The following VPS13D variants were observed in gnomAD, a reference collection of about 807,000 sequenced individuals.
VPS13D encodes vacuolar protein sorting 13 homolog D.
A neutral mutation model predicts 461.9 loss-of-function variants in VPS13D; 187 were observed. That is an observed-to-expected ratio of 0.40 (90% confidence interval 0.36 to 0.46). VPS13D has a LOEUF of 0.46. Among genes scored for constraint, VPS13D ranks in the 20% least tolerant of loss-of-function variants. VPS13D has a pLI of 0.60. For synonymous variants in VPS13D, 1,951 were observed against 1,986.3 expected (o/e 0.98, Z 0.47); for missense variants, 4,711 against 5,364.9 (o/e 0.88, Z 3.81).
At chr1:12,254,462 C>T (rs1441516862) in intron 7 of VPS13D, among the ~76,000 whole-genome samples, 1 of 142,148 alleles carries the variant, frequency 7.0e-6, no homozygotes, top group Non-Finnish European at 1.5e-5. Context: ...TTTAAAAAGT[C>T]ATAAATCATC....
chr1:12,480,339 T>C (rs1174664530), intron 67 of VPS13D, among the ~76,000 whole-genome samples: 1 of 152,218 alleles, frequency 6.6e-6, no homozygotes, highest in Non-Finnish European at 1.5e-5. Flanking sequence ...CAGTATGTCA[T>C]AGCCATCTCC....
At chr1:12,304,467 C>T (rs1423683160) in intron 25 of VPS13D, 39 bp from the exon 26 acceptor site, 1 of 1,564,958 alleles carries the variant, frequency 6.4e-7, no homozygotes, top group South Asian at 1.2e-5. Context: ...TGCCCCCTTC[C>T]CATTTCCTGC....
intron 59 of VPS13D, 112 bp downstream of exon 59, chr1:12,385,485 G>T: frequency 1.2e-6 from 1 of 817,890 alleles, no homozygotes; most frequent in Admixed American, 3.0e-5. Context: ...TTCTAAATAT[G>T]AGTTACGCTT....
intron 23 of VPS13D, 46 bp downstream of exon 23, chr1:12,291,170 T>A (rs753764325): frequency 1.3e-6 from 2 of 1,586,450 alleles, no homozygotes; most frequent in Admixed American, 3.6e-5. Flanking sequence ...ATCATAATAC[T>A]TGCTGTTTCA....
Position 12,378,123 on chromosome 1 carries a change from G to A in VPS13D, c.10918-305G>A, listed in dbSNP as rs1311171727. ...TATAGCTAGTGTAGGAGGCTGCCCC[G>A]CCATTTGTTTCTAATTTCTAAAAAA... On this transcript the variant is annotated intron_variant, in intron 55 of 69. Transcript: ENST00000620676. 2.6e-5 allele frequency among the ~76,000 whole-genome samples: 4 copies of A among 152,032 alleles called. No individual in the cohort carries two copies. The South Asian group carries it at 6.2e-4, about 24-fold the overall frequency.
intron 13 of VPS13D, among the ~76,000 whole-genome samples, chr1:12,266,003 T>C (rs570925872): frequency 6.7e-6 from 1 of 149,548 alleles, no homozygotes; most frequent in South Asian, 2.1e-4. Context: ...TACTAAAAAT[T>C]AAAAAAAAAA....
At chr1:12,491,300 A>T (rs1645877706) in intron 67 of VPS13D, among the ~76,000 whole-genome samples, 1 of 152,214 alleles carries the variant, frequency 6.6e-6, no homozygotes. Flanking sequence ...TCACTTACTG[A>T]TTGTTTTTGA....
chr1:12,262,852 C>T (rs550469086), intron 13 of VPS13D, among the ~76,000 whole-genome samples: 19 of 151,852 alleles, frequency 1.3e-4, no homozygotes, highest in Non-Finnish European at 1.6e-4. Context: ...TACAGGCGCG[C>T]GCCACCATGC....
chr1:12,414,298 A>G (rs1045619953), intron 63 of VPS13D, among the ~76,000 whole-genome samples: 1 of 151,988 alleles, frequency 6.6e-6, no homozygotes. Flanking sequence ...TCTGCCATAG[A>G]CATGTCTAAT....
At chr1:12,479,453 T>G (rs1217352241) in intron 67 of VPS13D, among the ~76,000 whole-genome samples, 1 of 152,234 alleles carries the variant, frequency 6.6e-6, no homozygotes, top group Non-Finnish European at 1.5e-5. Context: ...CTGCAGAAAT[T>G]GATCCAAAAC....
intron 67 of VPS13D, among the ~76,000 whole-genome samples, chr1:12,482,008 C>T (rs1645724774): frequency 6.6e-6 from 1 of 152,220 alleles, no homozygotes; most frequent in Admixed American, 6.5e-5. Context: ...TAGAGGCATG[C>T]TGCTCCAAGC....
chr1:12,396,029 A>ATATATATATT lies in VPS13D; in HGVS notation c.11635-4152_11635-4151insTATATATATT, dbSNP rs1553187933. On this transcript the variant is annotated intron_variant, in intron 60 of 69. Transcript: ENST00000620676. Reference sequence around the variant, plus strand: ...TATATATATATATATATATATATATAGTTCTTTAAGATCAATAAAATTAAT... The same window carrying ATATATATATT: ...TATATATATATATATATATATATATATATATATATTGTTCTTTAAGATCAATAAAATTAAT... Among the ~76,000 whole-genome samples, 723 of 119,768 alleles carry ATATATATATT rather than the reference A, an allele frequency of 6.0e-3. 26 individuals are homozygous for ATATATATATT. Among genetic ancestry groups the ATATATATATT allele is most frequent in the East Asian group, 0.028 (123 of 4,398 alleles). 78.6% of individuals were successfully genotyped at this position (119,768 alleles called of 152,430 possible). A position where few individuals can be genotyped will look rare whatever the true frequency, so the allele number is the denominator to read the frequency against.
intron 65 of VPS13D, among the ~76,000 whole-genome samples, chr1:12,445,905 T>C (rs181793668): frequency 1.3e-5 from 2 of 152,314 alleles, no homozygotes; most frequent in East Asian, 3.9e-4. Flanking sequence ...CAGTTCCCAA[T>C]TGGTGGTCTT....
Position 12,390,861 on chromosome 1 carries a change from C to T in VPS13D, c.11634+4527C>T, listed in dbSNP as rs551761585. Among the ~76,000 whole-genome samples, 5 of 152,270 alleles carry T rather than the reference C, an allele frequency of 3.3e-5. No homozygotes were observed. In the East Asian group the frequency reaches 7.7e-4, roughly 24 times the overall value. On this transcript the variant is annotated intron_variant, in intron 60 of 69. Transcript: ENST00000620676. ...CCACTTTGTTCATAGTCCCAGTGGG[C>T]GATGGCAGGAGTGGCTGGGGAAAGA...
At chr1:12,464,442 C>G (rs555132278) in intron 67 of VPS13D, among the ~76,000 whole-genome samples, 1 of 152,218 alleles carries the variant, frequency 6.6e-6, no homozygotes, top group African/African-American at 2.4e-5. Flanking sequence ...AAATTTTAAG[C>G]AGATGATAGG....
chr1:12,424,410 C>T (rs1158930087), intron 65 of VPS13D, among the ~76,000 whole-genome samples: 6 of 152,136 alleles, frequency 3.9e-5, no homozygotes, highest in African/African-American at 1.4e-4. Flanking sequence ...TGCTGAATGA[C>T]TCACCCTAAC....
rs1026449601 is a variant in VPS13D at position 12,430,012 on chromosome 1, C to A, written c.12333+13185C>A. Among the ~76,000 whole-genome samples, 4 of 152,272 alleles carry A rather than the reference C, an allele frequency of 2.6e-5. No individual in the cohort carries two copies. In the East Asian group the frequency reaches 7.7e-4, roughly 29 times the overall value. Reference sequence around the variant, plus strand: ...TATAATAAAACATTGGTTTGGAAACCTTAATTGTTTTCACTGAAGTGAAAA... The same window carrying A: ...TATAATAAAACATTGGTTTGGAAACATTAATTGTTTTCACTGAAGTGAAAA... On this transcript the variant is annotated intron_variant, in intron 65 of 69. Coordinates refer to ENST00000620676, the MANE Select transcript of VPS13D (RefSeq NM_015378.4).
chr1:12,405,540 C>T (rs1347430306), intron 63 of VPS13D, among the ~76,000 whole-genome samples: 3 of 152,146 alleles, frequency 2.0e-5, no homozygotes, highest in Admixed American at 6.5e-5. Context: ...GGACCTGGAG[C>T]AGGAATGGCT....
intron 65 of VPS13D, among the ~76,000 whole-genome samples, chr1:12,441,152 C>T (rs1441136563): frequency 1.3e-5 from 2 of 152,100 alleles, no homozygotes; most frequent in Non-Finnish European, 2.9e-5. Context: ...TCTCAAAACT[C>T]CTGACGTGAG....
Sources: allele counts gnomAD v4.1 joint callset (sites outside exome capture counted in the v4.1 genomes callset), GRCh38; gene constraint gnomAD v4.1.1; transcripts MANE v1.5; gene names NCBI Gene and HGNC (gene_info 2026-07-23, HGNC 2026-07-21).